CSF2RA: variants seen among roughly 807,000 people sequenced by gnomAD.
CSF2RA encodes the protein colony stimulating factor 2 receptor subunit alpha.
CSF2RA carries 42 observed loss-of-function variants against 51.6 expected under a neutral mutation model. The observed-to-expected ratio is 0.81, with a 90% CI of 0.64 to 1.05. The LOEUF is 1.05. CSF2RA is among the 50% of genes least tolerant of loss of function. The pLI, the probability that CSF2RA is intolerant of heterozygous loss-of-function variation, is 0.00. For synonymous variants in CSF2RA, 222 were observed against 193.0 expected (o/e 1.15, Z -1.24); for missense variants, 530 against 501.1 (o/e 1.06, Z -0.55).
At chrX:1,284,100 G>T (rs2090354510) in intron 3 of CSF2RA, among the ~76,000 whole-genome samples, 1 of 150,214 alleles carries the variant, frequency 6.7e-6, no homozygotes, top group Admixed American at 6.6e-5. Context: ...AAACTGCCAA[G>T]GTTCCATAAT....
At chrX:1,307,155 G>A (rs1178326920) in intron 12 of CSF2RA, among the ~76,000 whole-genome samples, 1 of 152,182 alleles carries the variant, frequency 6.6e-6, no homozygotes, top group Non-Finnish European at 1.5e-5. Context: ...AGGCTGGAAA[G>A]TCAGGCCAGG....
At chrX:1,291,424 C>T (rs1321569268) in intron 7 of CSF2RA, among the ~76,000 whole-genome samples, 6 of 147,742 alleles carry the variant, frequency 4.1e-5, no homozygotes, top group African/African-American at 1.5e-4. Flanking sequence ...TCACTCATTT[C>T]CTCCTTCCTT....
At chrX:1,306,529 C>T (rs1397721990) in intron 12 of CSF2RA, among the ~76,000 whole-genome samples, 4 of 151,890 alleles carry the variant, frequency 2.6e-5, no homozygotes, top group Non-Finnish European at 5.9e-5. Flanking sequence ...CACCTGTAAT[C>T]CCACCTACTC....
downstream of CSF2RA, among the ~76,000 whole-genome samples, chrX:1,314,801 A>ACCTGCCCAACCCCACTGCG (rs2084452253): frequency 1.4e-5 from 1 of 72,862 alleles, no homozygotes; most frequent in African/African-American, 6.1e-5. Flanking sequence ...ATCCCACTGC[A>ACCTGCCCAACCCCACTGCG]CCTGCCCAAC....
chrX:1,323,833 T>C, the CSF2RA span, among the ~76,000 whole-genome samples: 1 of 151,270 alleles, frequency 6.6e-6, no homozygotes, highest in Non-Finnish European at 1.5e-5. Flanking sequence ...GCTAACACGG[T>C]GAAACCCCGT....
Position 1,288,638 on chromosome X carries a change from T to C in CSF2RA, c.339T>C (p.Asn113=). The C allele has an allele frequency of 6.2e-7, 1 of 1,613,932 alleles. No homozygotes were observed. Among genetic ancestry groups the C allele is most frequent in the Non-Finnish European group, 8.5e-7 (1 of 1,179,874 alleles). Residue 113 remains asparagine (N), a synonymous_variant, in exon 5 of 13, where the codon AAT becomes AAC. Coordinates refer to ENST00000381529, the MANE Select transcript of CSF2RA (RefSeq NM_172245.4). ...RGFQQKLLYP[N]SGREGTAAQN... ...TTCAACAGAAACTGCTTTATCCAAA[T>C]TCAGGTAAGCAAGACAGCTCAGGGA...
the CSF2RA span, among the ~76,000 whole-genome samples, chrX:1,321,851 C>T: frequency 2.6e-5 from 4 of 152,056 alleles, no homozygotes; most frequent in Non-Finnish European, 4.4e-5. Context: ...AAGTATCAGC[C>T]GGGTGCGGTG....
chrX:1,319,881 A>ATTTGTTTG, the CSF2RA span, among the ~76,000 whole-genome samples: 18 of 147,324 alleles, frequency 1.2e-4, no homozygotes, highest in African/African-American at 4.5e-4. Context: ...CGCCTGGCTA[A>ATTTGTTTG]TTTGTTTGTT....
chrX:1,282,160 G>C (rs1156568863), intron 2 of CSF2RA: 1 of 162,552 alleles, frequency 6.2e-6, no homozygotes, highest in Admixed American at 5.7e-5. Context: ...AGCCGAGATC[G>C]CGCCACTGCA....
the CSF2RA span, among the ~76,000 whole-genome samples, chrX:1,321,640 A>G: frequency 2.0e-5 from 3 of 152,140 alleles, no homozygotes; most frequent in Non-Finnish European, 4.4e-5. Flanking sequence ...TTAAACAGTG[A>G]CCATCACCAA....
At chrX:1,323,158 T>TATAAAATAATAAAATAAAATAAA in the CSF2RA span, among the ~76,000 whole-genome samples, 1 of 133,956 alleles carries the variant, frequency 7.5e-6, no homozygotes, top group Admixed American at 7.3e-5. Flanking sequence ...ACATTACAAT[T>TATAAAATAATAAAATAAAATAAA]ATAAAATAAA....
intron 7 of CSF2RA, among the ~76,000 whole-genome samples, chrX:1,292,523 A>G (rs1341417039): frequency 6.6e-6 from 1 of 152,008 alleles, no homozygotes; most frequent in Non-Finnish European, 1.5e-5. Flanking sequence ...GATAGTGGGG[A>G]GAAGGTCAGC....
chrX:1,318,576 G>A, the CSF2RA span, among the ~76,000 whole-genome samples: 327 of 151,912 alleles, frequency 2.2e-3, 1 homozygote, highest in African/African-American at 7.6e-3. Context: ...CCTCCTGAGA[G>A]AAAGGATAGA....
chrX:1,281,316 C>T (rs1473594384), intron 2 of CSF2RA, among the ~76,000 whole-genome samples: 2 of 137,992 alleles, frequency 1.4e-5, no homozygotes, highest in East Asian at 4.5e-4. Flanking sequence ...CTTCCTTCTC[C>T]TCCTCCTCCT....
At chrX:1,323,483 G>T in the CSF2RA span, among the ~76,000 whole-genome samples, 1 of 152,042 alleles carries the variant, frequency 6.6e-6, no homozygotes, top group Non-Finnish European at 1.5e-5. Flanking sequence ...ACCTTCAGGC[G>T]ACCGGATTCT....
chrX:1,324,669 A>C, the CSF2RA span, among the ~76,000 whole-genome samples: 1 of 152,148 alleles, frequency 6.6e-6, no homozygotes, highest in African/African-American at 2.4e-5. Context: ...CTGTGGATGG[A>C]GAGGTTGCTT....
At chrX:1,289,831 TTTTTG>T (rs1201060825) in intron 6 of CSF2RA, among the ~76,000 whole-genome samples, 84 of 150,650 alleles carry the variant, frequency 5.6e-4, no homozygotes, top group African/African-American at 1.5e-3. Context: ...TTTGTGTTTG[TTTTTG>T]TTTTGTTTTG....
intron 7 of CSF2RA, among the ~76,000 whole-genome samples, chrX:1,292,742 G>C (rs1363393645): frequency 1.3e-5 from 2 of 152,206 alleles, no homozygotes; most frequent in Middle Eastern, 6.8e-3. Flanking sequence ...ATGTACGATC[G>C]GGTTTTACAC....
the CSF2RA span, among the ~76,000 whole-genome samples, chrX:1,318,849 G>A: frequency 1.3e-4 from 20 of 149,492 alleles, no homozygotes; most frequent in Non-Finnish European, 2.8e-4. Context: ...CCCGGGAGGC[G>A]GAGCTTGCAG....
Sources: allele counts gnomAD v4.1 joint callset (sites outside exome capture counted in the v4.1 genomes callset), GRCh38; gene constraint gnomAD v4.1.1; transcripts MANE v1.5; gene names NCBI Gene and HGNC (gene_info 2026-07-23, HGNC 2026-07-21).